The following LINGO2 variants were observed in gnomAD, a reference collection of about 807,000 sequenced individuals.
The protein encoded by LINGO2 is leucine rich repeat and Ig domain containing 2.
LINGO2 carries 14 observed loss-of-function variants against 30.6 expected under a neutral mutation model. That is an observed-to-expected ratio of 0.46 (90% CI 0.30 to 0.72). LINGO2 has a LOEUF of 0.72. LINGO2 is among the 30% of genes least tolerant of loss of function. LINGO2 has a pLI of 0.07. For missense variants in LINGO2, 729 were observed against 751.7 expected (o/e 0.97, Z 0.35); for synonymous variants, 317 against 288.5 (o/e 1.10, Z -1.00).
chr9:28,296,543 G>A (rs1334850802), intron 3 of LINGO2, among the ~76,000 whole-genome samples: 1 of 152,062 alleles, frequency 6.6e-6, no homozygotes, highest in South Asian at 2.1e-4. Context: ...AGAGCTTCAC[G>A]GATTCCCAGA....
chr9:29,000,189 C>T, the LINGO2 span, among the ~76,000 whole-genome samples: 1 of 151,626 alleles, frequency 6.6e-6, no homozygotes, highest in Non-Finnish European at 1.5e-5. Flanking sequence ...TTCGGCATGG[C>T]CCTATGGACA....
At chr9:27,994,621 C>T (rs1231731377) in intron 5 of LINGO2, among the ~76,000 whole-genome samples, 1 of 152,214 alleles carries the variant, frequency 6.6e-6, no homozygotes, top group African/African-American at 2.4e-5. Context: ...GAACGTAGTT[C>T]GATGCATGCC....
At chr9:28,442,978 T>C (rs1199993662) in intron 2 of LINGO2, among the ~76,000 whole-genome samples, 2 of 151,946 alleles carry the variant, frequency 1.3e-5, no homozygotes, top group South Asian at 2.1e-4. Flanking sequence ...ACATTGTTTT[T>C]TTATCCCACA....
At chr9:28,626,108 T>A (rs1439007724) in intron 1 of LINGO2, among the ~76,000 whole-genome samples, 2 of 152,162 alleles carry the variant, frequency 1.3e-5, no homozygotes, top group African/African-American at 4.8e-5. Context: ...TTTTAAATTG[T>A]AACCATTTTA....
At chr9:28,277,329 C>A (rs1368535177) in intron 4 of LINGO2, among the ~76,000 whole-genome samples, 1 of 152,100 alleles carries the variant, frequency 6.6e-6, no homozygotes, top group Admixed American at 6.5e-5. Context: ...CAAACTTAAC[C>A]GATAAATGTA....
At chr9:28,297,967 A>G (rs66962571) in intron 3 of LINGO2, among the ~76,000 whole-genome samples, 8,553 of 152,162 alleles carry the variant, frequency 0.056, 305 homozygotes, top group East Asian at 0.19. Context: ...TTTTTGTATG[A>G]TTATTCTATT....
At chr9:29,174,242 A>T in the LINGO2 span, among the ~76,000 whole-genome samples, 4 of 152,206 alleles carry the variant, frequency 2.6e-5, no homozygotes, top group African/African-American at 9.7e-5. Context: ...ATAAAACTGT[A>T]TGCCATGTGT....
At chr9:28,401,762 C>T (rs374164129) in intron 2 of LINGO2, among the ~76,000 whole-genome samples, 26 of 152,176 alleles carry the variant, frequency 1.7e-4, no homozygotes, top group Admixed American at 7.9e-4. Context: ...ACAGTGTAAA[C>T]GCATTCCTAT....
chr9:28,814,977 A>C, the LINGO2 span, among the ~76,000 whole-genome samples: 26 of 152,190 alleles, frequency 1.7e-4, no homozygotes, highest in African/African-American at 6.0e-4. Flanking sequence ...AGTGTCCCTA[A>C]AACAATTCTA....
the LINGO2 span, among the ~76,000 whole-genome samples, chr9:28,872,630 TAAAC>T: frequency 6.6e-6 from 1 of 152,224 alleles, no homozygotes; most frequent in African/African-American, 2.4e-5. Flanking sequence ...TCCTCTCCAG[TAAAC>T]AAACAACACA....
At chr9:28,499,886 C>T (rs1434340600) in intron 1 of LINGO2, among the ~76,000 whole-genome samples, 2 of 152,094 alleles carry the variant, frequency 1.3e-5, no homozygotes, top group Non-Finnish European at 2.9e-5. Flanking sequence ...CCACTGGATG[C>T]CATAGTTGCA....
chr9:29,046,674 C>G, the LINGO2 span, among the ~76,000 whole-genome samples: 1 of 152,018 alleles, frequency 6.6e-6, no homozygotes, highest in South Asian at 2.1e-4. Context: ...ATCCTGGACC[C>G]AGGAAAGAGC....
chr9:29,047,474 C>T, the LINGO2 span, among the ~76,000 whole-genome samples: 1 of 152,014 alleles, frequency 6.6e-6, no homozygotes, highest in Non-Finnish European at 1.5e-5. Flanking sequence ...GTGAAAAGCT[C>T]TCAACATAAT....
chr9:28,082,778 T>G (rs570865874), intron 4 of LINGO2, among the ~76,000 whole-genome samples: 1 of 152,268 alleles, frequency 6.6e-6, no homozygotes, highest in East Asian at 1.9e-4. Context: ...TCCCTCTGCG[T>G]TTTTCTGACT....
the LINGO2 span, among the ~76,000 whole-genome samples, chr9:28,848,168 T>TATACTATATATAC: frequency 1.1e-5 from 1 of 90,658 alleles, no homozygotes; most frequent in Non-Finnish European, 2.1e-5. Flanking sequence ...ATATATAGTG[T>TATACTATATATAC]GTATATATAC....
intron 1 of LINGO2, among the ~76,000 whole-genome samples, chr9:28,605,772 T>C (rs1007108314): frequency 1.3e-5 from 2 of 152,004 alleles, no homozygotes; most frequent in Admixed American, 6.6e-5. Context: ...GCACCTGCTT[T>C]TATAAATAAA....
At chr9:29,043,210 G>T in the LINGO2 span, among the ~76,000 whole-genome samples, 1 of 151,884 alleles carries the variant, frequency 6.6e-6, no homozygotes, top group Admixed American at 6.6e-5. Context: ...AACTCAAAGA[G>T]AGCTAGCAAT....
At chr9:28,128,496 C>T (rs929146908) in intron 4 of LINGO2, among the ~76,000 whole-genome samples, 1 of 152,178 alleles carries the variant, frequency 6.6e-6, no homozygotes, top group African/African-American at 2.4e-5. Context: ...CTCTTAATTT[C>T]CCACGCATGA....
intron 2 of LINGO2, among the ~76,000 whole-genome samples, chr9:28,376,820 G>T (rs1434265155): frequency 1.3e-5 from 2 of 152,032 alleles, no homozygotes; most frequent in Non-Finnish European, 2.9e-5. Flanking sequence ...GATATGTCAG[G>T]CTCTGAAATC....
Sources: gnomAD v4.1 joint callset for allele counts (sites outside exome capture counted in the v4.1 genomes callset) on GRCh38, gnomAD v4.1.1 for gene constraint, MANE v1.5 for transcripts, NCBI Gene and HGNC (gene_info 2026-07-23, HGNC 2026-07-21) for gene names.